LGR5: variants seen among roughly 807,000 people sequenced by gnomAD.
LGR5 encodes the protein leucine-rich repeat-containing G protein-coupled receptor 5.
LGR5 carries 54 observed loss-of-function variants against 76.7 expected under a neutral mutation model. The observed-to-expected ratio is 0.70, with a 90% confidence interval of 0.57 to 0.88. LGR5 has a LOEUF of 0.88. LGR5 is among the 40% of genes least tolerant of loss of function. The pLI is 0.00. For synonymous variants in LGR5, 406 were observed against 421.9 expected (o/e 0.96, Z 0.46); for missense variants, 1,078 against 1,073.3 (o/e 1.00, Z -0.06).
rs78602565 is a variant in LGR5 at position 71,512,673 on chromosome 12, A to G, written c.284+7988A>G. Among the ~76,000 whole-genome samples the G allele has an allele frequency of 9.2e-5, 14 of 152,348 alleles. 1 individual carries two copies. In the East Asian group the frequency reaches 2.7e-3, roughly 29 times the overall value. ...TAGGGACTAAAGGGGAGGTCTAAAGATGAGAGATGACTCTGAATAGGGTTA... is the reference window on the plus strand; with the variant it reads ...TAGGGACTAAAGGGGAGGTCTAAAGGTGAGAGATGACTCTGAATAGGGTTA... On this transcript the variant is annotated intron_variant, in intron 2 of 17. Coordinates refer to ENST00000266674, the MANE Select transcript of LGR5 (RefSeq NM_003667.4).
chr12:71,502,622 A>T (rs1333725934), intron 1 of LGR5, among the ~76,000 whole-genome samples: 1 of 152,176 alleles, frequency 6.6e-6, no homozygotes, highest in East Asian at 1.9e-4. Flanking sequence ...CTGCATAATG[A>T]GGTTAGTTTT....
intron 4 of LGR5, among the ~76,000 whole-genome samples, chr12:71,543,938 T>C (rs1377550240): frequency 2.6e-5 from 4 of 152,190 alleles, no homozygotes; most frequent in African/African-American, 9.6e-5. Flanking sequence ...AAAAAGGGTC[T>C]TCGTTTTCTA....
intron 14 of LGR5, among the ~76,000 whole-genome samples, chr12:71,578,462 C>A (rs1878952935): frequency 6.6e-6 from 1 of 152,134 alleles, no homozygotes; most frequent in African/African-American, 2.4e-5. Flanking sequence ...AGTAAATACA[C>A]CCCCTACACT....
At chr12:71,492,132 G>A (rs1014858596) in intron 1 of LGR5, among the ~76,000 whole-genome samples, 1 of 152,086 alleles carries the variant, frequency 6.6e-6, no homozygotes, top group African/African-American at 2.4e-5. Context: ...TGAGGAGGAA[G>A]CCCACAGATA....
intron 1 of LGR5, among the ~76,000 whole-genome samples, chr12:71,490,730 G>A (rs35612549): frequency 0.09 from 13,612 of 151,992 alleles, 655 homozygotes; most frequent in Non-Finnish European, 0.11. Flanking sequence ...CTTTCCCTGT[G>A]TTCCTGAGCC....
chr12:71,561,695 T>C (rs1001596169), intron 7 of LGR5, 86 bp from the exon 8 acceptor site: 2 of 650,508 alleles, frequency 3.1e-6, no homozygotes, highest in Non-Finnish European at 5.1e-6. Flanking sequence ...AAGGTTCTGA[T>C]TATTGCCACT....
At chr12:71,566,610 A>T in intron 9 of LGR5, 22 bp from the exon 10 acceptor site, 1 of 1,591,884 alleles carries the variant, frequency 6.3e-7, no homozygotes, top group Non-Finnish European at 8.6e-7. Context: ...TACCAGTAAT[A>T]CTTATATACT....
At chr12:71,468,534 T>C (rs1872952912) in intron 1 of LGR5, among the ~76,000 whole-genome samples, 1 of 152,128 alleles carries the variant, frequency 6.6e-6, no homozygotes, top group Admixed American at 6.5e-5. Context: ...ACCTAAAGAT[T>C]AATGGGAAAA....
chr12:71,535,075 AT>A (rs762933076), intron 3 of LGR5, 39 bp from the exon 4 acceptor site: 61 of 1,448,696 alleles, frequency 4.2e-5, no homozygotes, highest in African/African-American at 9.8e-5. Context: ...GTTATTGTTC[AT>A]TTTTTTTAAC....
At chr12:71,579,008 T>C in intron 15 of LGR5, 79 bp downstream of exon 15, 1 of 1,323,956 alleles carries the variant, frequency 7.6e-7, no homozygotes, top group Non-Finnish European at 1.0e-6. Context: ...TGTTCTAAAT[T>C]TATGAGGTCG....
intron 1 of LGR5, among the ~76,000 whole-genome samples, chr12:71,450,027 G>A (rs1009749798): frequency 6.6e-6 from 1 of 152,190 alleles, no homozygotes; most frequent in African/African-American, 2.4e-5. Context: ...TTTAGAATGG[G>A]AAGAACCTTG....
intron 2 of LGR5, among the ~76,000 whole-genome samples, chr12:71,506,897 A>AT (rs899779171): frequency 3.3e-5 from 5 of 151,570 alleles, no homozygotes; most frequent in South Asian, 2.1e-4. Context: ...GGGAGGTTCT[A>AT]TTTTTTTTGT....
At chr12:71,582,839 A>G (rs1879149876) in intron 17 of LGR5, among the ~76,000 whole-genome samples, 1 of 152,164 alleles carries the variant, frequency 6.6e-6, no homozygotes, top group Non-Finnish European at 1.5e-5. Context: ...CTGAAATAGT[A>G]TGCTATAATC....
At chr12:71,469,310 C>G (rs1237786503) in intron 1 of LGR5, among the ~76,000 whole-genome samples, 5 of 152,254 alleles carry the variant, frequency 3.3e-5, no homozygotes, top group Admixed American at 2.6e-4. Context: ...TCACTTCACA[C>G]TTTGTCATTG....
At chr12:71,513,475 A>C (rs904305303) in intron 2 of LGR5, among the ~76,000 whole-genome samples, 1 of 150,920 alleles carries the variant, frequency 6.6e-6, no homozygotes, top group Non-Finnish European at 1.5e-5. Flanking sequence ...ATAATTAAAA[A>C]CCCCCAATTT....
At position 71,566,480 on chromosome 12, in the gene LGR5, G is replaced by GT. The variant is rs1565764065; in HGVS notation, c.929+8dup. 2 of 1,590,850 alleles carry GT rather than the reference G, an allele frequency of 1.3e-6. No individual in the cohort carries two copies. The highest frequency in any genetic ancestry group is 3.3e-5 in the Admixed American group (2 of 59,936). ...TTTACCTGAACTAAGAACACTGTAA[G>GT]TTTCTATGTCTCTTATGGATCACTT... On this transcript the variant is annotated splice_donor_region_variant and intron_variant, in intron 9 of 17. Coordinates refer to ENST00000266674, the MANE Select transcript of LGR5 (RefSeq NM_003667.4).
Position 71,440,386 on chromosome 12 carries a change from C to T in LGR5, c.212+94C>T. ...CTGGAGGCTCCTCGGCGCCCGCCTG[C>T]TCGTGGGGGAGGGGGGCGAGTTTGT... On this transcript the variant is annotated intron_variant, in intron 1 of 17. Transcript: ENST00000266674. The surrounding 1 kb of genome is among the most constrained non-coding windows in gnomAD (Gnocchi z 5.3). The T allele has an allele frequency of 3.2e-6, 4 of 1,241,652 alleles. No homozygotes were observed. The highest frequency in any genetic ancestry group is 1.9e-5 in the Admixed American group (1 of 52,306). The allele number at this position is 1,241,652 out of a possible 1,614,324, so 76.9% of individuals were successfully genotyped here. A position where few individuals can be genotyped will look rare whatever the true frequency, so the allele number is the denominator to read the frequency against.
At position 71,493,222 on chromosome 12, in the gene LGR5, T is replaced by G. The variant is rs562366191; in HGVS notation, c.213-11392T>G. ...TTTTTCGGCTATTTTTCTGGCATCT[T>G]TTTTACCATCCCTAGAAGTAACTAT... is the stretch of plus-strand genomic sequence containing the variant. On this transcript the variant is annotated intron_variant, in intron 1 of 17. Transcript: ENST00000266674. Among the ~76,000 whole-genome samples the G allele has an allele frequency of 3.3e-5, 5 of 151,420 alleles. No individual in the cohort carries two copies. The South Asian group carries it at 1.0e-3, about 31-fold the overall frequency.
At chr12:71,476,014 C>T (rs1385257819) in intron 1 of LGR5, among the ~76,000 whole-genome samples, 1 of 152,018 alleles carries the variant, frequency 6.6e-6, no homozygotes, top group Admixed American at 6.6e-5. Flanking sequence ...ACGCAGGGTT[C>T]CTCTGTTAAG....
Sources: allele counts gnomAD v4.1 joint callset (sites outside exome capture counted in the v4.1 genomes callset), GRCh38; gene constraint gnomAD v4.1.1; non-coding constraint Gnocchi (gnomAD v3.1); transcripts MANE v1.5; gene names NCBI Gene and HGNC (gene_info 2026-07-23, HGNC 2026-07-21).